The following SND1 variants were observed in gnomAD, a reference collection of about 807,000 sequenced individuals.
SND1 encodes staphylococcal nuclease and tudor domain containing 1.
In SND1, 38 loss-of-function variants were observed where a neutral mutation model predicts 121.7. That is an observed-to-expected ratio of 0.31 (90% confidence interval 0.24 to 0.41). SND1 has a LOEUF of 0.41. Among genes scored for constraint, SND1 ranks in the 10% least tolerant of loss-of-function variants. SND1 has a pLI of 1.00. For missense variants in SND1, 868 were observed against 1,184.6 expected, an observed-to-expected ratio of 0.73 and a Z score of 3.92; for synonymous variants, 401 against 447.4, an observed-to-expected ratio of 0.90 and a Z score of 1.31.
chr7:127,964,046 T>C (rs2116875096), intron 15 of SND1, among the ~76,000 whole-genome samples: 1 of 152,146 alleles, frequency 6.6e-6, no homozygotes, highest in Non-Finnish European at 1.5e-5. Flanking sequence ...GCTGCATAAA[T>C]GTCTTCTTTT....
intron 15 of SND1, among the ~76,000 whole-genome samples, chr7:127,950,370 A>G (rs1801434434): frequency 6.6e-6 from 1 of 152,236 alleles, no homozygotes; most frequent in African/African-American, 2.4e-5. Flanking sequence ...TTTCCGCATT[A>G]AAGAAGTGGA....
chr7:127,790,599 CTT>C (rs1797889540), intron 10 of SND1, among the ~76,000 whole-genome samples: 1 of 152,134 alleles, frequency 6.6e-6, no homozygotes, highest in Non-Finnish European at 1.5e-5. Context: ...CTTGCTGACT[CTT>C]TTGAATTGCT....
intron 11 of SND1, 147 bp from the exon 12 acceptor site, chr7:127,844,177 T>G (rs753244177): frequency 2.1e-6 from 1 of 487,064 alleles, no homozygotes; most frequent in Non-Finnish European, 3.7e-6. Flanking sequence ...GTTGCTCAGC[T>G]ATTTCTTTTA....
In SND1 at chr7:128,019,308, T is replaced by C. The variant is rs183451277; in HGVS notation, c.1779+28252T>C. Among the ~76,000 whole-genome samples the C allele has an allele frequency of 1.2e-3, 181 of 152,314 alleles. 1 individual carries two copies. Among genetic ancestry groups the C allele is most frequent in the African/African-American group, 4.0e-3 (168 of 41,570 alleles). On this transcript the variant is annotated intron_variant, in intron 16 of 23. Coordinates refer to ENST00000354725, the MANE Select transcript of SND1 (RefSeq NM_014390.4). ...CATTCTCTTTGGTTATCTTTCTCTC[T>C]CCCCATCAATAGCACATCCTCCTGG...
chr7:127,779,984 A>G (rs541557794), intron 10 of SND1, among the ~76,000 whole-genome samples: 3 of 152,228 alleles, frequency 2.0e-5, no homozygotes, highest in East Asian at 3.9e-4. Flanking sequence ...CTAGTTTTGC[A>G]CTGTGGGCAC....
intron 1 of SND1, among the ~76,000 whole-genome samples, chr7:127,662,656 C>G (rs1795335601): frequency 1.3e-5 from 2 of 152,018 alleles, no homozygotes; most frequent in Non-Finnish European, 2.9e-5. Context: ...TAGCTCATTA[C>G]TCAATAGTTT....
At chr7:128,054,069 G>T (rs771701718) in intron 16 of SND1, among the ~76,000 whole-genome samples, 2 of 152,272 alleles carry the variant, frequency 1.3e-5, no homozygotes, top group Non-Finnish European at 2.9e-5. Context: ...GCCACTGTCA[G>T]TAAGTCATCG....
At position 127,744,651 on chromosome 7, in the gene SND1, T is replaced by C. The variant is rs182858508; in HGVS notation, c.1152+23251T>C. On this transcript the variant is annotated intron_variant, in intron 10 of 23. Coordinates refer to ENST00000354725, the MANE Select transcript of SND1 (RefSeq NM_014390.4). The stretch of plus-strand genomic sequence containing the variant: ...ACCTATGTATGATCATATTTTCCCT[T>C]TTTTGTGTTCAAAAAGATAATGTAC... Among the ~76,000 whole-genome samples the C allele has an allele frequency of 2.0e-5, 3 of 152,334 alleles. No homozygotes were observed. In the East Asian group the frequency reaches 5.8e-4, roughly 29 times the overall value.
rs575556516 is a variant in SND1, at chr7:127,821,910, A to G, written c.1242+14337A>G. ...ACAGGTTATTTTTTGACAAGCTATT[A>G]TATAAAATGGGCAGACATTTGAATT... On this transcript the variant is annotated intron_variant, in intron 11 of 23. Coordinates refer to ENST00000354725, the MANE Select transcript of SND1 (RefSeq NM_014390.4). Among the ~76,000 whole-genome samples the G allele has an allele frequency of 1.7e-3, 262 of 152,360 alleles. 1 individual carries two copies. The highest frequency in any genetic ancestry group is 6.0e-3 in the African/African-American group (248 of 41,586).
intron 13 of SND1, among the ~76,000 whole-genome samples, chr7:127,898,592 AAC>A (rs1800164783): frequency 6.6e-6 from 1 of 152,140 alleles, no homozygotes. Flanking sequence ...TGTGACCTGA[AAC>A]ACAATGAGAA....
intron 16 of SND1, chr7:128,030,586 G>A (rs375835397): frequency 9.4e-6 from 15 of 1,600,982 alleles, no homozygotes; most frequent in African/African-American, 2.7e-5. Context: ...ACGAACGGGA[G>A]CAGGATGGCA....
chr7:127,975,356 CGTGT>C (rs906692680), intron 15 of SND1, among the ~76,000 whole-genome samples: 2 of 150,420 alleles, frequency 1.3e-5, no homozygotes, highest in Non-Finnish European at 1.5e-5. Flanking sequence ...TGCGCACGCG[CGTGT>C]GTATGTGAGA....
intron 16 of SND1, among the ~76,000 whole-genome samples, chr7:128,054,580 G>A (rs1348286310): frequency 6.6e-6 from 1 of 152,160 alleles, no homozygotes; most frequent in East Asian, 1.9e-4. Flanking sequence ...TTTTCATTTT[G>A]TCATGTGGCA....
chr7:127,770,220 A>AG (rs1797490770), intron 10 of SND1, among the ~76,000 whole-genome samples: 1 of 152,208 alleles, frequency 6.6e-6, no homozygotes, highest in South Asian at 2.1e-4. Flanking sequence ...GTTAGCCACC[A>AG]GGGAGTGGAG....
At chr7:127,836,208 G>T (rs1417445422) in intron 11 of SND1, among the ~76,000 whole-genome samples, 2 of 152,108 alleles carry the variant, frequency 1.3e-5, no homozygotes, top group Admixed American at 6.6e-5. Flanking sequence ...GGTTGGGATA[G>T]GAGACTCATT....
chr7:127,970,454 T>C (rs1159893451), intron 15 of SND1, among the ~76,000 whole-genome samples: 1 of 152,250 alleles, frequency 6.6e-6, no homozygotes, highest in East Asian at 1.9e-4. Flanking sequence ...ATTTTGTGAT[T>C]CTGTGAATGC....
At chr7:127,937,831 C>G (rs1407563281) in intron 15 of SND1, among the ~76,000 whole-genome samples, 5 of 152,176 alleles carry the variant, frequency 3.3e-5, no homozygotes, top group Admixed American at 3.3e-4. Context: ...TTACCAGTGC[C>G]TAACTAAATT....
intron 12 of SND1, among the ~76,000 whole-genome samples, chr7:127,882,894 G>T (rs1786534616): frequency 6.6e-6 from 1 of 152,114 alleles, no homozygotes; most frequent in African/African-American, 2.4e-5. Flanking sequence ...GGCCTGAATG[G>T]ATAATTCACA....
At chr7:128,010,943 C>T (rs1043797620) in intron 16 of SND1, among the ~76,000 whole-genome samples, 7 of 152,154 alleles carry the variant, frequency 4.6e-5, no homozygotes, top group East Asian at 1.9e-4. Context: ...GGTGAGCGGA[C>T]GCCCTCAGCA....
Sources: allele counts gnomAD v4.1 joint callset (sites outside exome capture counted in the v4.1 genomes callset), GRCh38; gene constraint gnomAD v4.1.1; transcripts MANE v1.5; gene names NCBI Gene and HGNC (gene_info 2026-07-23, HGNC 2026-07-21).